The following ACP7 variants were observed in gnomAD, a reference collection of about 807,000 sequenced individuals.
The protein encoded by ACP7 is acid phosphatase type 7.
In ACP7, 58 loss-of-function variants were observed where a neutral mutation model predicts 60.6. That is an observed-to-expected ratio of 0.96 (90% confidence interval 0.77 to 1.19). ACP7 has a LOEUF of 1.19. ACP7 is among the 50% of genes most tolerant of loss of function. The pLI is 0.00. For synonymous variants in ACP7, 237 were observed against 232.6 expected, an observed-to-expected ratio of 1.02 and a Z score of -0.17; for missense variants, 574 against 596.2, an observed-to-expected ratio of 0.96 and a Z score of 0.39.
chr19:39,085,067 T>TCTTTTTTTCC, intron 1 of ACP7, 25 bp from the exon 2 acceptor site: 1 of 574,320 alleles, frequency 1.7e-6, no homozygotes, highest in South Asian at 2.8e-5. Flanking sequence ...CCTTAGCGAT[T>TCTTTTTTTCC]CTTATTTTTG....
chr19:39,089,057 G>A (rs1011487464), intron 2 of ACP7, among the ~76,000 whole-genome samples: 1 of 151,972 alleles, frequency 6.6e-6, no homozygotes, highest in African/African-American at 2.4e-5. Context: ...AGTCTCTCAA[G>A]TAGCTTGGAC....
chr19:39,088,021 A>G (rs2144962179), intron 2 of ACP7, among the ~76,000 whole-genome samples: 1 of 151,910 alleles, frequency 6.6e-6, no homozygotes, highest in African/African-American at 2.4e-5. Flanking sequence ...TTCAAAGAAG[A>G]TAGTTTCTTC....
At chr19:39,101,427 G>T in intron 10 of ACP7, 39 bp from the exon 11 acceptor site, 1 of 1,613,540 alleles carries the variant, frequency 6.2e-7, no homozygotes, top group Middle Eastern at 1.6e-4. Flanking sequence ...GCATGGCCTC[G>T]AGTGACTGCC....
At chr19:39,098,737 G>A in intron 3 of ACP7, 79 bp downstream of exon 3, 1 of 1,458,146 alleles carries the variant, frequency 6.9e-7, no homozygotes, top group Non-Finnish European at 9.2e-7. Context: ...ACCACTGGCC[G>A]GTGGCTCAGG....
chr19:39,102,791 CTCTTTCTT>C (rs149503010), intron 11 of ACP7, among the ~76,000 whole-genome samples: 1 of 121,916 alleles, frequency 8.2e-6, no homozygotes, highest in Non-Finnish European at 1.8e-5. Flanking sequence ...TTCTCTCTCT[CTCTTTCTT>C]TCTTTCTTTT....
chr19:39,105,726 G>A (rs7256546), intron 11 of ACP7, among the ~76,000 whole-genome samples: 24,467 of 151,884 alleles, frequency 0.16, 2,280 homozygotes, highest in Non-Finnish European at 0.21. Flanking sequence ...TGCCCAGGCT[G>A]GTCTTGAACT....
chr19:39,094,174 A>G (rs776792425), intron 2 of ACP7, among the ~76,000 whole-genome samples: 14 of 152,140 alleles, frequency 9.2e-5, no homozygotes, highest in South Asian at 8.3e-4. Context: ...ATCTATCTGT[A>G]TATGCTCCTG....
chr19:39,091,099 G>A (rs918415673), intron 2 of ACP7, among the ~76,000 whole-genome samples: 5 of 150,664 alleles, frequency 3.3e-5, no homozygotes, highest in African/African-American at 1.2e-4. Context: ...GGCTCCTCTT[G>A]TGTATTTCCT....
intron 11 of ACP7, among the ~76,000 whole-genome samples, chr19:39,105,237 G>A (rs887319214): frequency 1.3e-5 from 2 of 151,692 alleles, no homozygotes; most frequent in Non-Finnish European, 2.9e-5. Flanking sequence ...GGCTGGTCTC[G>A]AACTCCTGAC....
chr19:39,110,333 G>A lies in ACP7; in HGVS notation c.*215G>A, dbSNP rs1230444752. 1 of 582,702 alleles carries A rather than the reference G, an allele frequency of 1.7e-6. No individual in the cohort carries two copies. The highest frequency in any genetic ancestry group is 3.0e-6 in the Non-Finnish European group (1 of 328,720). 36.1% of individuals were successfully genotyped at this position (582,702 alleles called of 1,614,324 possible). A position where few individuals can be genotyped will look rare whatever the true frequency, so the allele number is the denominator to read the frequency against. ...CTGGCTGTGGAGGGAGGGCAGGTGTGCGGGCACAGAGTGACACACGGCAGG... is the reference window on the plus strand; with the variant it reads ...CTGGCTGTGGAGGGAGGGCAGGTGTACGGGCACAGAGTGACACACGGCAGG... On this transcript the variant is annotated 3_prime_UTR_variant, in exon 13 of 13. Transcript: ENST00000331256.
At position 39,099,020 on chromosome 19, in the gene ACP7, A is replaced by T; in HGVS notation, c.383A>T (p.Asn128Ile). The change falls in exon 4 of 13, where the codon AAT becomes ATT. Residue 128 changes from asparagine to isoleucine, a missense_variant. By Grantham distance (149) the Asn-to-Ile change is moderately radical (BLOSUM62 -3). Transcript: ENST00000331256. ...CGGTTCCGCTTCAGGGCCCTCAAGA[A>T]TGGGGCCCACTGGAGTCCCCGTCTG... ...SRRFRFRALK[N>I]GAHWSPRLAV... is the part of the protein sequence containing the mutation. The T allele has an allele frequency of 6.2e-7, 1 of 1,613,620 alleles. No individual in the cohort carries two copies. The highest frequency in any genetic ancestry group is 8.5e-7 in the Non-Finnish European group (1 of 1,179,908).
intron 11 of ACP7, among the ~76,000 whole-genome samples, chr19:39,102,012 CA>C (rs957214683): frequency 4.0e-4 from 61 of 151,176 alleles, no homozygotes; most frequent in African/African-American, 1.4e-3. Flanking sequence ...TTTAGCTATT[CA>C]AAAAGATGAG....
chr19:39,087,736 C>T lies in ACP7; in HGVS notation c.121+2346C>T, dbSNP rs544374881. On this transcript the variant is annotated intron_variant, in intron 2 of 12. Coordinates refer to ENST00000331256, the MANE Select transcript of ACP7 (RefSeq NM_001004318.3). ...GCAAGCTCCACCTCCTGGTTTCAAG[C>T]GATTCTCCTGCTTCAGCCTCCCAAG... Among the ~76,000 whole-genome samples, 19 of 151,456 alleles carry T rather than the reference C, an allele frequency of 1.3e-4. No homozygotes were observed. In the East Asian group the frequency reaches 1.6e-3, roughly 12 times the overall value.
intron 11 of ACP7, among the ~76,000 whole-genome samples, chr19:39,102,860 G>A (rs539882705): frequency 3.6e-5 from 5 of 139,046 alleles, no homozygotes; most frequent in African/African-American, 5.4e-5. Flanking sequence ...TTTTTGAGAC[G>A]GAGTTTCACT....
intron 4 of ACP7, 66 bp downstream of exon 4, chr19:39,099,208 G>A: frequency 1.4e-6 from 2 of 1,401,486 alleles, no homozygotes; most frequent in East Asian, 2.6e-5. Flanking sequence ...TGGGGGGCGC[G>A]CGGGTCGGGG....
intron 3 of ACP7, 118 bp downstream of exon 3, chr19:39,098,776 C>T (rs913764507): frequency 2.2e-6 from 3 of 1,360,822 alleles, no homozygotes; most frequent in Admixed American, 2.5e-5. Flanking sequence ...TGCCTATCTG[C>T]AAGCCTGTTG....
At chr19:39,091,834 C>T (rs1175175457) in intron 2 of ACP7, among the ~76,000 whole-genome samples, 2 of 151,872 alleles carry the variant, frequency 1.3e-5, no homozygotes, top group Admixed American at 1.3e-4. Context: ...TCACTTGAAC[C>T]TGGGAGGCGG....
intron 4 of ACP7, among the ~76,000 whole-genome samples, chr19:39,100,013 A>G (rs1054847773): frequency 6.7e-6 from 1 of 150,276 alleles, no homozygotes; most frequent in African/African-American, 2.5e-5. Flanking sequence ...AAAAAAAAAA[A>G]AAGTGCCCAT....
intron 6 of ACP7, 21 bp downstream of exon 6, chr19:39,100,663 G>A (rs754274309): frequency 5.5e-5 from 88 of 1,613,586 alleles, no homozygotes; most frequent in Non-Finnish European, 5.4e-5. Flanking sequence ...GGTGCTGGGG[G>A]ACTGGCCCTC....
Sources: gnomAD v4.1 joint callset for allele counts (sites outside exome capture counted in the v4.1 genomes callset) on GRCh38, gnomAD v4.1.1 for gene constraint, MANE v1.5 for transcripts, NCBI Gene and HGNC (gene_info 2026-07-23, HGNC 2026-07-21) for gene names.